The following SMARCAD1 variants were observed in gnomAD, a reference collection of about 807,000 sequenced individuals.
The protein encoded by SMARCAD1 is SNF2 related chromatin remodeling ATPase with DExD box 1, also known as SWI/SNF-related matrix-associated actin-dependent regulator of chromatin subfamily A containing DEAD/H box 1.
SMARCAD1 carries 25 observed loss-of-function variants against 127.1 expected under a neutral mutation model. That is an observed-to-expected ratio of 0.20 (90% CI 0.14 to 0.27). The LOEUF is 0.27. Ranked by LOEUF, SMARCAD1 falls within the 10% of genes least tolerant of loss-of-function variation. The probability of loss-of-function intolerance (pLI) is 1.00; values close to 1 mark genes in which losing one functional copy is unlikely to be tolerated. For missense variants in SMARCAD1, 807 were observed against 1,206.0 expected (o/e 0.67, Z 4.90); for synonymous variants, 400 against 396.9 (o/e 1.01, Z -0.09).
Position 94,252,963 on chromosome 4 carries a change from C to A in SMARCAD1, c.1237C>A (p.Gln413Lys), listed in dbSNP as rs1265507784. ...LIPQCSQKKA[Q>K]KITELRPFNS... ...TCCTCAGTGTTCTCAGAAAAAGGCT[C>A]AGAAGATAACAGAACTCCGGCCCTT... The change falls in exon 9 of 24, where the codon CAG (glutamine) becomes AAG (lysine). Residue 413 changes from glutamine (Q) to lysine (K), a missense_variant. Gln to Lys is a moderately conservative substitution (Grantham distance 53). Coordinates refer to ENST00000354268, the MANE Select transcript of SMARCAD1 (RefSeq NM_020159.5). 6.2e-7 allele frequency: 1 copy of A among 1,613,802 alleles called. No individual in the cohort carries two copies. The highest frequency in any genetic ancestry group is 1.7e-5 in the Admixed American group (1 of 60,018).
In SMARCAD1 at chr4:94,254,092, T is replaced by A. The variant is rs916998538; in HGVS notation, c.1281+1085T>A. 2.6e-5 allele frequency among the ~76,000 whole-genome samples: 4 copies of A among 152,292 alleles called. No individual in the cohort carries two copies. The South Asian group carries it at 8.3e-4, about 32-fold the overall frequency. ...AACAATGGTTGTAAATACATTTTTT[T>A]AATTAAAATATTTGAAAAATACAGA... On this transcript the variant is annotated intron_variant, in intron 9 of 23. Transcript: ENST00000354268.
intron 23 of SMARCAD1, among the ~76,000 whole-genome samples, chr4:94,287,426 CCT>C (rs1218528828): frequency 2.0e-5 from 3 of 152,076 alleles, no homozygotes; most frequent in South Asian, 2.1e-4. Context: ...CTGTTTGTCC[CCT>C]CTTACATGAA....
At chr4:94,268,373 T>G (rs920725997) in intron 10 of SMARCAD1, among the ~76,000 whole-genome samples, 31 of 152,162 alleles carry the variant, frequency 2.0e-4, no homozygotes, top group Non-Finnish European at 3.8e-4. Context: ...TTTTGTTTAT[T>G]AAGAATATTT....
intron 6 of SMARCAD1, among the ~76,000 whole-genome samples, chr4:94,246,116 CTTT>C (rs765392820): frequency 1.4e-5 from 2 of 139,898 alleles, no homozygotes; most frequent in Non-Finnish European, 1.6e-5. Flanking sequence ...AACTGACATT[CTTT>C]TTTTTTTTTT....
At chr4:94,237,095 C>A (rs1380198594) in intron 5 of SMARCAD1, 77 bp downstream of exon 5, 12 of 1,161,222 alleles carry the variant, frequency 1.0e-5, no homozygotes, top group Non-Finnish European at 1.3e-5. Context: ...TAATATTGCT[C>A]CACAGTTTAT....
intron 10 of SMARCAD1, among the ~76,000 whole-genome samples, chr4:94,268,843 A>T (rs1225933884): frequency 6.6e-6 from 1 of 152,202 alleles, no homozygotes; most frequent in Non-Finnish European, 1.5e-5. Context: ...AATATGGTAA[A>T]TATTCCAGTT....
rs1001162283 is a variant in SMARCAD1 at position 94,246,196 on chromosome 4, C to T, written c.706-3458C>T. On this transcript the variant is annotated intron_variant, in intron 6 of 23. Coordinates refer to ENST00000354268, the MANE Select transcript of SMARCAD1 (RefSeq NM_020159.5). ...GTGCAATGGCATGATCCTGGCTCAC[C>T]GCAACCTCCGCCTCCCGGGTTCAAG... is the stretch of plus-strand genomic sequence containing the variant. Among the ~76,000 whole-genome samples the T allele has an allele frequency of 4.0e-5, 6 of 151,736 alleles. No homozygotes were observed. In the South Asian group the frequency reaches 8.4e-4, roughly 21 times the overall value.
intron 9 of SMARCAD1, among the ~76,000 whole-genome samples, chr4:94,263,823 A>AT: frequency 6.6e-6 from 1 of 151,850 alleles, no homozygotes; most frequent in South Asian, 2.1e-4. Flanking sequence ...TGGGATTTTC[A>AT]TTTTTGCCCC....
Position 94,289,513 on chromosome 4 carries a change from A to G in SMARCAD1, c.3060A>G (p.Leu1020=). 8 of 1,613,216 alleles carry G rather than the reference A, an allele frequency of 5.0e-6. No homozygotes were observed. Among genetic ancestry groups the G allele is most frequent in the Non-Finnish European group, 5.9e-6 (7 of 1,179,256 alleles). The change falls in exon 24 of 24, where the codon CTA becomes CTG. Residue 1020 remains leucine (L), a synonymous_variant. Transcript: ENST00000354268. ...TGCCAGCAGATATAGCCACATTACT[A>G]AAAACATCAATGGGCCTGTGAAATA... ...GSMPADIATL[L]KTSMGL
chr4:94,259,103 A>C (rs1168601001), intron 9 of SMARCAD1, among the ~76,000 whole-genome samples: 1 of 152,198 alleles, frequency 6.6e-6, no homozygotes, highest in Non-Finnish European at 1.5e-5. Context: ...TCGTTTGACA[A>C]AGTTCATTCC....
Position 94,264,752 on chromosome 4 carries a change from T to C in SMARCAD1, c.1327T>C (p.Trp443Arg), listed in dbSNP as rs200569328. The C allele has an allele frequency of 5.0e-6, 8 of 1,612,274 alleles. No individual in the cohort carries two copies. The highest frequency in any genetic ancestry group is 5.9e-6 in the Non-Finnish European group (7 of 1,179,056). Residue 443 changes from tryptophan to arginine, a missense_variant, in exon 10 of 24, where the codon TGG (tryptophan) becomes CGG (arginine). By Grantham distance (101) the Trp-to-Arg change is moderately radical. Coordinates refer to ENST00000354268, the MANE Select transcript of SMARCAD1 (RefSeq NM_020159.5). ...KTNGLSEDLIWHCKTLIQERD... is the reference protein window; with the variant it reads ...KTNGLSEDLIRHCKTLIQERD... ...TAATGGCTTATCAGAAGATTTGATA[T>C]GGCACTGTAAAACACTGATCCAAGA...
In SMARCAD1 at chr4:94,236,938, T is replaced by C. The variant is rs1425391085; in HGVS notation, c.538-14T>C. On this transcript the variant is annotated splice_polypyrimidine_tract_variant and intron_variant, in intron 4 of 23. Transcript: ENST00000354268. ...GTGCTGATTTAAAACATTAATCTTT[T>C]CTCGTTCTGTTAGTTGATTGAATCA... 1.9e-6 allele frequency: 3 copies of C among 1,607,172 alleles called. No individual in the cohort carries two copies. Among genetic ancestry groups the C allele is most frequent in the Non-Finnish European group, 2.6e-6 (3 of 1,174,252 alleles).
At chr4:94,262,036 G>A (rs934828484) in intron 9 of SMARCAD1, among the ~76,000 whole-genome samples, 2 of 152,124 alleles carry the variant, frequency 1.3e-5, no homozygotes, top group African/African-American at 4.8e-5. Flanking sequence ...CTAAATGTTG[G>A]TGTTCTTCAA....
chr4:94,260,326 A>G (rs1021004326), intron 9 of SMARCAD1, among the ~76,000 whole-genome samples: 9 of 152,104 alleles, frequency 5.9e-5, no homozygotes, highest in Non-Finnish European at 4.4e-5. Context: ...TAGCCATTGC[A>G]AAATTAATAC....
rs969634371 is a variant in SMARCAD1, at chr4:94,270,551, G to A, written c.1482-177G>A. On this transcript the variant is annotated intron_variant, in intron 10 of 23. Transcript: ENST00000354268. ...TAGAATAGAGAATAAAGTTTGAGAA[G>A]ATCTGAAAAATCATTTATGTCTTGG... is the stretch of plus-strand genomic sequence containing the variant. 3.4e-5 allele frequency: 19 copies of A among 561,478 alleles called. 1 individual carries two copies. The highest frequency in any genetic ancestry group is 4.9e-4 in the Middle Eastern group (1 of 2,028). 34.8% of individuals were successfully genotyped at this position (561,478 alleles called of 1,614,324 possible).
chr4:94,220,321 C>T (rs1036322458), intron 2 of SMARCAD1, among the ~76,000 whole-genome samples: 1 of 152,062 alleles, frequency 6.6e-6, no homozygotes, highest in African/African-American at 2.4e-5. Context: ...GATCTTGGCT[C>T]GCTGCAACCT....
intron 9 of SMARCAD1, chr4:94,253,429 A>AGGGGAGCT (rs906522297): frequency 8.3e-7 from 1 of 1,204,456 alleles, no homozygotes; most frequent in Non-Finnish European, 1.1e-6. Flanking sequence ...AGCAACGGCC[A>AGGGGAGCT]GGGGAGCTCC....
intron 16 of SMARCAD1, 49 bp downstream of exon 16, chr4:94,277,208 C>A: frequency 6.3e-7 from 1 of 1,599,470 alleles, no homozygotes. Context: ...TGTGTTTTAT[C>A]TGGGCCATTC....
Position 94,290,196 on chromosome 4 carries a change from C to T in SMARCAD1, c.*662C>T, listed in dbSNP as rs1477354586. The T allele has an allele frequency of 4.4e-6, 2 of 454,312 alleles. No homozygotes were observed. The highest frequency in any genetic ancestry group is 8.8e-6 in the Non-Finnish European group (2 of 226,764). The allele number at this position is 454,312 out of a possible 1,614,324, so 28.1% of individuals were successfully genotyped here. A position where few individuals can be genotyped will look rare whatever the true frequency, so the allele number is the denominator to read the frequency against. On this transcript the variant is annotated 3_prime_UTR_variant, in exon 24 of 24. Coordinates refer to ENST00000354268, the MANE Select transcript of SMARCAD1 (RefSeq NM_020159.5). ...TCCAGTGAATAGTAACTAAAGAAGC[C>T]CCTACCTTGCTCCATGGATTAATTC... is the stretch of plus-strand genomic sequence containing the variant.
Sources: allele counts gnomAD v4.1 joint callset (sites outside exome capture counted in the v4.1 genomes callset), GRCh38; gene constraint gnomAD v4.1.1; transcripts MANE v1.5; gene names NCBI Gene and HGNC (gene_info 2026-07-23, HGNC 2026-07-21).